SF3A3: variants seen among roughly 807,000 people sequenced by gnomAD.
The protein encoded by SF3A3 is splicing factor 3a subunit 3.
Under a neutral mutation model 85.8 loss-of-function variants are expected in SF3A3, and 9 were observed. The observed-to-expected ratio is 0.10, with a 90% CI of 0.06 to 0.18. The LOEUF (loss-of-function observed/expected upper bound fraction) is 0.18. Ranked by LOEUF, SF3A3 falls within the 10% of genes least tolerant of loss-of-function variation. The pLI, the probability that SF3A3 is intolerant of heterozygous loss-of-function variation, is 1.00. For synonymous variants in SF3A3, 195 were observed against 204.4 expected (o/e 0.95, Z 0.39); for missense variants, 306 against 593.3 (o/e 0.52, Z 5.03).
At chr1:37,966,758 G>A (rs1646302889) in intron 15 of SF3A3, among the ~76,000 whole-genome samples, 1 of 150,244 alleles carries the variant, frequency 6.7e-6, no homozygotes. Flanking sequence ...CCAACATGGA[G>A]AAACCCGTCT....
chr1:37,980,093 G>C (rs916984379), intron 8 of SF3A3, among the ~76,000 whole-genome samples: 3 of 148,784 alleles, frequency 2.0e-5, no homozygotes, highest in Non-Finnish European at 4.4e-5. Flanking sequence ...TCAAAGGCAA[G>C]TGGACCCTGG....
chr1:37,984,629 G>A, intron 5 of SF3A3, 78 bp downstream of exon 5: 1 of 959,486 alleles, frequency 1.0e-6, no homozygotes, highest in Admixed American at 1.8e-5. Flanking sequence ...AAATATCTCT[G>A]AGGCCATGGC....
chr1:37,979,420 G>T lies in SF3A3; in HGVS notation c.759+45C>A, dbSNP rs758537674. The T allele has an allele frequency of 2.1e-6, 3 of 1,458,034 alleles. No homozygotes were observed. In the South Asian group the frequency reaches 3.4e-5, roughly 17 times the overall value. 90.3% of individuals were successfully genotyped at this position (1,458,034 alleles called of 1,614,324 possible). A position where few individuals can be genotyped will look rare whatever the true frequency, so the allele number is the denominator to read the frequency against. On this transcript the variant is annotated intron_variant, in intron 9 of 16. Coordinates refer to ENST00000373019, the MANE Select transcript of SF3A3 (RefSeq NM_006802.4). ...GACAGGAGAGCAGTCTTTAAAGACA[G>T]AAAAATAGACAGAGAGAACACTACT...
At chr1:37,981,563 C>T (rs1218173441) in intron 7 of SF3A3, among the ~76,000 whole-genome samples, 166 bp downstream of exon 7, 1 of 152,156 alleles carries the variant, frequency 6.6e-6, no homozygotes. Flanking sequence ...TCCAGACTAT[C>T]GCAAAGGTTT....
At position 37,981,785 on chromosome 1, in the gene SF3A3, G is replaced by A; in HGVS notation, c.495C>T (p.Ser165=). The change falls in exon 7 of 17, where the codon TCC becomes TCT. Residue 165 remains serine, a synonymous_variant. Transcript: ENST00000373019. ...SEKLDYITYL[S]IFDQLFDIPK... ...GAATGTCAAATAATTGGTCAAAGATGGACAGGTATGTGATATAATCCAGCT... is the reference window on the plus strand; with the variant it reads ...GAATGTCAAATAATTGGTCAAAGATAGACAGGTATGTGATATAATCCAGCT... The A allele has an allele frequency of 2.5e-6, 4 of 1,594,942 alleles. No individual in the cohort carries two copies. The highest frequency in any genetic ancestry group is 3.4e-6 in the Non-Finnish European group (4 of 1,164,132).
intron 12 of SF3A3, among the ~76,000 whole-genome samples, chr1:37,970,696 A>G (rs1392574149): frequency 6.6e-6 from 1 of 152,226 alleles, no homozygotes; most frequent in East Asian, 1.9e-4. Context: ...ACTCAGGATT[A>G]AGAAACTCAC....
intron 12 of SF3A3, among the ~76,000 whole-genome samples, chr1:37,971,771 A>G (rs1377526770): frequency 2.0e-5 from 3 of 152,222 alleles, no homozygotes; most frequent in African/African-American, 7.2e-5. Flanking sequence ...GATTATCTCA[A>G]TAGATGCAGA....
intron 15 of SF3A3, among the ~76,000 whole-genome samples, chr1:37,967,719 G>T (rs1208713623): frequency 6.8e-6 from 1 of 146,336 alleles, no homozygotes; most frequent in Admixed American, 7.0e-5. Flanking sequence ...AATTAGCCAG[G>T]TGTGGTGGCA....
intron 12 of SF3A3, among the ~76,000 whole-genome samples, chr1:37,975,004 C>T (rs759713007): frequency 6.7e-4 from 102 of 152,248 alleles, no homozygotes; most frequent in Middle Eastern, 3.4e-3. Flanking sequence ...TTATTTGTCT[C>T]CCCTAACCAC....
At chr1:37,967,774 C>T (rs1194088398) in intron 15 of SF3A3, among the ~76,000 whole-genome samples, 7 of 149,748 alleles carry the variant, frequency 4.7e-5, no homozygotes, top group East Asian at 3.9e-4. Flanking sequence ...GCAGGAGAAT[C>T]GCTTGCGCCC....
At chr1:37,988,944 G>C (rs1646475279) in intron 2 of SF3A3, among the ~76,000 whole-genome samples, 2 of 150,884 alleles carry the variant, frequency 1.3e-5, no homozygotes. Flanking sequence ...CCTGAGTCAT[G>C]GACTCTTCAT....
chr1:37,989,283 A>G (rs1417181672), intron 2 of SF3A3, among the ~76,000 whole-genome samples: 1 of 151,382 alleles, frequency 6.6e-6, no homozygotes, highest in African/African-American at 2.4e-5. Flanking sequence ...CAACAGAGCG[A>G]GACTCCGTCC....
chr1:37,986,911 A>T (rs1306194904), intron 4 of SF3A3, among the ~76,000 whole-genome samples: 1 of 151,570 alleles, frequency 6.6e-6, no homozygotes, highest in Non-Finnish European at 1.5e-5. Flanking sequence ...GGATTAGGAC[A>T]GGATAGCCTA....
chr1:37,964,134 G>T (rs940751777), intron 15 of SF3A3, among the ~76,000 whole-genome samples: 1 of 151,826 alleles, frequency 6.6e-6, no homozygotes, highest in Non-Finnish European at 1.5e-5. Flanking sequence ...AGCAGAGATT[G>T]CGCCACTGCA....
At chr1:37,971,136 A>C (rs532531353) in intron 12 of SF3A3, among the ~76,000 whole-genome samples, 2 of 152,278 alleles carry the variant, frequency 1.3e-5, no homozygotes, top group East Asian at 3.9e-4. Flanking sequence ...AGAAGAGAGA[A>C]GAATCAAACA....
intron 12 of SF3A3, among the ~76,000 whole-genome samples, chr1:37,971,806 G>A (rs1221857761): frequency 6.6e-6 from 1 of 152,058 alleles, no homozygotes; most frequent in Non-Finnish European, 1.5e-5. Context: ...AAATTCAACA[G>A]CCCTTCATGC....
intron 12 of SF3A3, among the ~76,000 whole-genome samples, chr1:37,975,800 A>G (rs1450253370): frequency 6.6e-6 from 1 of 152,214 alleles, no homozygotes; most frequent in African/African-American, 2.4e-5. Context: ...TGAACAAGCT[A>G]TCTGATCCAG....
At chr1:37,961,306 C>T (rs1646255975) in intron 15 of SF3A3, among the ~76,000 whole-genome samples, 1 of 152,112 alleles carries the variant, frequency 6.6e-6, no homozygotes, top group South Asian at 2.1e-4. Flanking sequence ...TGAAGTTGGC[C>T]AGGCACAGTG....
Position 37,978,797 on chromosome 1 carries a change from G to A in SF3A3, c.858C>T (p.Phe286=), listed in dbSNP as rs766988192. Reference sequence around the variant, plus strand: ...ACTCCAGGGACTTTCCTTTGGTACTGAATAGTCTCTGGGCTCGCTCTTCTA... The same window carrying A: ...ACTCCAGGGACTTTCCTTTGGTACTAAATAGTCTCTGGGCTCGCTCTTCTA... ...GTLEERAQRL[F]STKGKSLESL... Residue 286 remains phenylalanine, a synonymous_variant, in exon 11 of 17, where the codon TTC becomes TTT. Coordinates refer to ENST00000373019, the MANE Select transcript of SF3A3 (RefSeq NM_006802.4). 77 of 1,573,388 alleles carry A rather than the reference G, an allele frequency of 4.9e-5. No homozygotes were observed. The highest frequency in any genetic ancestry group is 6.3e-5 in the Non-Finnish European group (73 of 1,157,626).
Sources: allele counts gnomAD v4.1 joint callset (sites outside exome capture counted in the v4.1 genomes callset), GRCh38; gene constraint gnomAD v4.1.1; transcripts MANE v1.5; gene names NCBI Gene and HGNC (gene_info 2026-07-23, HGNC 2026-07-21).